The following ALOX5 variants were observed in gnomAD, a reference collection of about 807,000 sequenced individuals.
ALOX5 encodes polyunsaturated fatty acid 5-lipoxygenase.
In ALOX5, 64 loss-of-function variants were observed where a neutral mutation model predicts 87.9. The ratio of observed to expected loss-of-function variants is 0.73; its 90% confidence interval spans 0.60 to 0.90. The LOEUF (loss-of-function observed/expected upper bound fraction) is 0.90. ALOX5 is among the 40% of genes least tolerant of loss of function. The probability of loss-of-function intolerance (pLI) is 0.00; values close to 1 mark genes in which losing one functional copy is unlikely to be tolerated. For synonymous variants in ALOX5, 388 were observed against 355.1 expected (o/e 1.09, Z -1.04); for missense variants, 822 against 907.5 (o/e 0.91, Z 1.21).
chr10:45,443,665 G>A, intron 11 of ALOX5, 63 bp from the exon 12 acceptor site: 3 of 1,590,376 alleles, frequency 1.9e-6, no homozygotes, highest in Non-Finnish European at 2.6e-6. Context: ...CGGGCACGGG[G>A]TGGGCGCCGG....
At position 45,424,104 on chromosome 10, in the gene ALOX5, C is replaced by T. The variant is rs143505389; in HGVS notation, c.618C>T (p.Ala206=). ...HMFQSSWNDF[A]DFEKIFVKIS... is the part of the protein sequence containing the mutation. ...TCCAGTCTTCTTGGAATGACTTCGC[C>T]GACTTTGAGAAAATCTTTGTCAAGA... The change falls in exon 5 of 14, where the codon GCC becomes GCT. Residue 206 remains alanine (A), a synonymous_variant. Coordinates refer to ENST00000374391, the MANE Select transcript of ALOX5 (RefSeq NM_000698.5). 68 of 1,614,166 alleles carry T rather than the reference C, an allele frequency of 4.2e-5. No homozygotes were observed. In the African/African-American group the frequency reaches 5.6e-4, roughly 13 times the overall value.
At chr10:45,417,326 G>A (rs1841332111) in intron 4 of ALOX5, among the ~76,000 whole-genome samples, 1 of 152,126 alleles carries the variant, frequency 6.6e-6, no homozygotes, top group South Asian at 2.1e-4. Flanking sequence ...CACAAACTGT[G>A]GAACCAGGGG....
At chr10:45,445,387 G>T in intron 13 of ALOX5, 121 bp from the exon 14 acceptor site, 1 of 1,232,130 alleles carries the variant, frequency 8.1e-7, no homozygotes, top group African/African-American at 1.5e-5. Flanking sequence ...ATATGGGGAG[G>T]TGAATAGATG....
intron 3 of ALOX5, among the ~76,000 whole-genome samples, chr10:45,398,646 C>A (rs1289233811): frequency 6.6e-6 from 1 of 152,050 alleles, no homozygotes; most frequent in Non-Finnish European, 1.5e-5. Flanking sequence ...AGAACTCTTA[C>A]AACTCAATAA....
chr10:45,392,023 C>T lies in ALOX5; in HGVS notation c.350-3832C>T, dbSNP rs1193510945. 8.2e-4 allele frequency among the ~76,000 whole-genome samples: 124 copies of T among 151,404 alleles called. 1 individual carries two copies. The highest frequency in any genetic ancestry group is 1.4e-3 in the Admixed American group (22 of 15,256). On this transcript the variant is annotated intron_variant, in intron 2 of 13. Coordinates refer to ENST00000374391, the MANE Select transcript of ALOX5 (RefSeq NM_000698.5). Reference sequence around the variant, plus strand: ...CAGCCCCCCGCCCGGCCAGCCGCCCCGTCCGGGAGGGGAGGGGTTCAGCCC... The same window carrying T: ...CAGCCCCCCGCCCGGCCAGCCGCCCTGTCCGGGAGGGGAGGGGTTCAGCCC...
intron 3 of ALOX5, among the ~76,000 whole-genome samples, chr10:45,401,671 T>G (rs1840702952): frequency 6.6e-6 from 1 of 152,274 alleles, no homozygotes; most frequent in South Asian, 2.1e-4. Flanking sequence ...CCCTGGACAT[T>G]TAGGAGGTTT....
At chr10:45,433,486 G>A (rs547435782) in intron 7 of ALOX5, among the ~76,000 whole-genome samples, 2 of 152,150 alleles carry the variant, frequency 1.3e-5, no homozygotes, top group Admixed American at 6.5e-5. Context: ...CATTTATTGC[G>A]GGGACCAAAA....
chr10:45,374,365 C>G lies in ALOX5; in HGVS notation c.86C>G (p.Ser29Trp). The change falls in exon 1 of 14, where the codon TCG becomes TGG. Residue 29 changes from serine (S) to tryptophan (W), a missense_variant. By Grantham distance (177) the Ser-to-Trp change is radical. Coordinates refer to ENST00000374391, the MANE Select transcript of ALOX5 (RefSeq NM_000698.5). ...TACATCTACCTCAGCCTCGTGGGCT[C>G]GGCGGGCTGCAGCGAGAAGCACCTG... ...DDYIYLSLVG[S>W]AGCSEKHLLD... 1 of 1,549,756 alleles carries G rather than the reference C, an allele frequency of 6.5e-7. No individual in the cohort carries two copies. Among genetic ancestry groups the G allele is most frequent in the Non-Finnish European group, 8.7e-7 (1 of 1,151,262 alleles).
intron 3 of ALOX5, among the ~76,000 whole-genome samples, chr10:45,411,452 A>G (rs1281653397): frequency 6.6e-6 from 1 of 152,240 alleles, no homozygotes; most frequent in African/African-American, 2.4e-5. Context: ...AGTTTACTCA[A>G]TAAGTAAACA....
chr10:45,420,883 C>A (rs1023803085), intron 4 of ALOX5, among the ~76,000 whole-genome samples: 1 of 152,186 alleles, frequency 6.6e-6, no homozygotes. Flanking sequence ...CCCAGTGAGG[C>A]GGGACAGTGC....
chr10:45,409,266 G>T (rs10900213), intron 3 of ALOX5, among the ~76,000 whole-genome samples: 80,197 of 152,024 alleles, frequency 0.53, 21,729 homozygotes, highest in East Asian at 0.62. Flanking sequence ...AAAGTCACTC[G>T]GAGCCTGCTC....
chr10:45,402,684 A>C (rs922249712), intron 3 of ALOX5, among the ~76,000 whole-genome samples: 1 of 152,254 alleles, frequency 6.6e-6, no homozygotes, highest in Non-Finnish European at 1.5e-5. Flanking sequence ...AAGATTGGTA[A>C]GTTTGCCTCC....
Position 45,445,573 on chromosome 10 carries a change from A to G in ALOX5, c.1911A>G (p.Arg637=). 1 of 1,614,152 alleles carries G rather than the reference A, an allele frequency of 6.2e-7. No homozygotes were observed. Among genetic ancestry groups the G allele is most frequent in the Non-Finnish European group, 8.5e-7 (1 of 1,180,022 alleles). ...AGCCTGTGAAGGAAGCCATGGCCCG[A>G]TTCCGCAAGAACCTCGAGGCCATTG... ...IEKPVKEAMA[R]FRKNLEAIVS... is the part of the protein sequence containing the mutation. Residue 637 remains arginine (R), a synonymous_variant, in exon 14 of 14, where the codon CGA becomes CGG. Transcript: ENST00000374391.
At chr10:45,384,832 C>CTTATTATTATTA in intron 2 of ALOX5, among the ~76,000 whole-genome samples, 1 of 131,202 alleles carries the variant, frequency 7.6e-6, no homozygotes, top group Non-Finnish European at 1.7e-5. Context: ...GAATTTGTGG[C>CTTATTATTATTA]CTATTATTAT....
intron 3 of ALOX5, among the ~76,000 whole-genome samples, chr10:45,407,417 A>T: frequency 6.7e-6 from 1 of 149,180 alleles, no homozygotes. Context: ...CCCACCTAGG[A>T]CTTGTCATTG....
chr10:45,392,725 A>G (rs1010158783), intron 2 of ALOX5, among the ~76,000 whole-genome samples: 77 of 145,216 alleles, frequency 5.3e-4, no homozygotes, highest in African/African-American at 2.1e-3. Flanking sequence ...GAAAAAAAAA[A>G]GAAGAGAAGA....
intron 3 of ALOX5, among the ~76,000 whole-genome samples, chr10:45,409,569 T>TTC (rs374670021): frequency 4.5e-4 from 56 of 124,912 alleles, no homozygotes; most frequent in South Asian, 2.5e-3. Flanking sequence ...CTCTCTCTCT[T>TTC]TCTCTCTCTC....
intron 7 of ALOX5, among the ~76,000 whole-genome samples, chr10:45,430,396 C>T (rs190532703): frequency 1.3e-5 from 2 of 151,836 alleles, no homozygotes; most frequent in Admixed American, 6.6e-5. Flanking sequence ...TAATAATAAC[C>T]TCCTCATGAG....
intron 2 of ALOX5, among the ~76,000 whole-genome samples, chr10:45,387,706 C>T (rs942706226): frequency 2.6e-5 from 4 of 152,158 alleles, no homozygotes; most frequent in Admixed American, 2.6e-4. Flanking sequence ...GGCAGGGGCC[C>T]CAAGGCTTGC....
Sources: gnomAD v4.1 joint callset for allele counts (sites outside exome capture counted in the v4.1 genomes callset) on GRCh38, gnomAD v4.1.1 for gene constraint, MANE v1.5 for transcripts, NCBI Gene and HGNC (gene_info 2026-07-23, HGNC 2026-07-21) for gene names.